The following CAD variants were observed in gnomAD, a reference collection of about 807,000 sequenced individuals.
The protein encoded by CAD is multifunctional protein CAD.
In CAD, 81 loss-of-function variants were observed where a neutral mutation model predicts 237.2. The ratio of observed to expected loss-of-function variants is 0.34; its 90% CI spans 0.29 to 0.41. The LOEUF is 0.41. Ranked by LOEUF, CAD falls within the 10% of genes least tolerant of loss-of-function variation. CAD has a pLI of 1.00. For missense variants in CAD, 2,181 were observed against 2,951.7 expected (o/e 0.74, Z 6.05); for synonymous variants, 1,196 against 1,162.8 (o/e 1.03, Z -0.58).
chr2:27,222,762 A>C (rs1057312026), intron 5 of CAD, 102 bp downstream of exon 5: 1 of 1,574,722 alleles, frequency 6.4e-7, no homozygotes, highest in African/African-American at 1.3e-5. Flanking sequence ...GCAGTGAAGA[A>C]GATAGACATT....
chr2:27,239,920 G>A lies in CAD; in HGVS notation c.5496+122G>A, dbSNP rs544736862. ...GTTTTCTTGAGGGACTGAATTTGAAGTGGGGTTGGGTCAATTATTTTTTTA... is the reference window on the plus strand; with the variant it reads ...GTTTTCTTGAGGGACTGAATTTGAAATGGGGTTGGGTCAATTATTTTTTTA... On this transcript the variant is annotated intron_variant, in intron 34 of 43. Transcript: ENST00000264705. The surrounding 1 kb of genome is among the most constrained non-coding windows in gnomAD (Gnocchi z 4.0). 7 of 707,146 alleles carry A rather than the reference G, an allele frequency of 9.9e-6. No homozygotes were observed. The Admixed American group carries it at 2.0e-4, about 21-fold the overall frequency. 43.8% of individuals were successfully genotyped at this position (707,146 alleles called of 1,614,324 possible).
chr2:27,222,280 T>C lies in CAD; in HGVS notation c.439T>C (p.Ser147Pro). ...GGTCCAGAATGGAACAGAACCTTCA[T>C]CCCTGCCATTCTTGGACCCCAATGC... Reference protein sequence around the residue: ...KLVQNGTEPSSLPFLDPNARP... With the variant: ...KLVQNGTEPSPLPFLDPNARP... The change falls in exon 4 of 44, where the codon TCC (serine) becomes CCC (proline). Residue 147 changes from serine (S) to proline (P), a missense_variant. Ser to Pro is a moderately conservative substitution (Grantham distance 74, BLOSUM62 -1). Around this residue, in one of 12 missense-constraint regions of CAD, gnomAD observed 314 missense variants for 339.4 expected, o/e 0.93. Transcript: ENST00000264705. 1 of 1,613,944 alleles carries C rather than the reference T, an allele frequency of 6.2e-7. No homozygotes were observed. Among genetic ancestry groups the C allele is most frequent in the South Asian group, 1.1e-5 (1 of 91,082 alleles).
chr2:27,228,643 G>C (rs910044557), intron 15 of CAD, among the ~76,000 whole-genome samples: 8 of 152,198 alleles, frequency 5.3e-5, no homozygotes, highest in African/African-American at 1.9e-4. Context: ...CCAGGCTGGA[G>C]TGCAATGGTG....
chr2:27,234,511 G>GC lies in CAD; in HGVS notation c.3619-3dup, dbSNP rs564781292. The GC allele has an allele frequency of 1.4e-4, 227 of 1,613,154 alleles. No homozygotes were observed. The highest frequency in any genetic ancestry group is 1.9e-4 in the Non-Finnish European group (220 of 1,179,484). On this transcript the variant is annotated splice_polypyrimidine_tract_variant and splice_region_variant and intron_variant, in intron 22 of 43. Coordinates refer to ENST00000264705, the MANE Select transcript of CAD (RefSeq NM_004341.5). Reference sequence around the variant, plus strand: ...GCAGAAGGCCTGACCAGTCTTCTCTGCCCCAGGATGACCAGCTGAAAGTTA... The same window carrying GC: ...GCAGAAGGCCTGACCAGTCTTCTCTGCCCCCAGGATGACCAGCTGAAAGTTA...
rs1675313319 is a variant in CAD, at chr2:27,224,019, GGGCCAGACA to G, written c.1101_1108+1del. 3.1e-6 allele frequency: 5 copies of G among 1,610,242 alleles called. No individual in the cohort carries two copies. Among genetic ancestry groups the G allele is most frequent in the Non-Finnish European group, 3.4e-6 (4 of 1,176,446 alleles). ...AAGAGGCCACAGCTGGGAACCCTGG[GGGCCAGACA>G]GGTAAGATCCTGAGTAGAACTGGGT... On this transcript the variant is annotated inframe_deletion and splice_region_variant, in exon 8 of 44. Transcript: ENST00000264705.
Position 27,232,176 on chromosome 2 carries a change from C to G in CAD, c.2597C>G (p.Ala866Gly). 2 of 1,614,208 alleles carry G rather than the reference C, an allele frequency of 1.2e-6. No individual in the cohort carries two copies. The highest frequency in any genetic ancestry group is 1.7e-6 in the Non-Finnish European group (2 of 1,180,048). ...TTGCCGCCAGACCTGCTGCAACAGG[C>G]CAAGTGTCTTGGCTTCTCAGACAAA... Reference protein sequence around the residue: ...QPLPPDLLQQAKCLGFSDKQI... With the variant: ...QPLPPDLLQQGKCLGFSDKQI... The change falls in exon 17 of 44, where the codon GCC becomes GGC. Residue 866 changes from alanine to glycine, a missense_variant. By Grantham distance (60) the Ala-to-Gly change is moderately conservative. This residue lies in a region of CAD where 385 missense variants were observed against 535.1 expected (regional missense o/e 0.72). Transcript: ENST00000264705. The surrounding 1 kb of genome is among the most constrained non-coding windows in gnomAD (Gnocchi z 4.1).
chr2:27,220,152 A>T (rs1419383473), intron 2 of CAD, among the ~76,000 whole-genome samples: 6 of 152,280 alleles, frequency 3.9e-5, no homozygotes, highest in Admixed American at 3.3e-4. Context: ...CCTGCACCTC[A>T]ATAAATGTCT....
In CAD at chr2:27,233,967, G is replaced by A; in HGVS notation, c.3400-41G>A. On this transcript the variant is annotated intron_variant, in intron 21 of 43. Transcript: ENST00000264705. This position sits in a 1 kb window ranked among gnomAD's most constrained non-coding sequence, Gnocchi z 6.3. ...GACAATCCTAGAGTAAGTGAGAGAAGAAAGTGGCCCTATGTCCCACTGTCT... is the reference window on the plus strand; with the variant it reads ...GACAATCCTAGAGTAAGTGAGAGAAAAAAGTGGCCCTATGTCCCACTGTCT... 6.3e-7 allele frequency: 1 copy of A among 1,586,974 alleles called. No homozygotes were observed. The highest frequency in any genetic ancestry group is 8.6e-7 in the Non-Finnish European group (1 of 1,159,336).
Position 27,236,887 on chromosome 2 carries a change from C to T in CAD, c.4396+57C>T. On this transcript the variant is annotated intron_variant, in intron 27 of 43. Transcript: ENST00000264705. The surrounding 1 kb of genome is among the most constrained non-coding windows in gnomAD (Gnocchi z 4.1). ...CACTGGCAGCCCCTGGCATAGAGAC[C>T]TGCAGTGTGGTGAAGGATGGCTGGG... The T allele has an allele frequency of 6.9e-7, 1 of 1,439,068 alleles. No individual in the cohort carries two copies. The highest frequency in any genetic ancestry group is 1.4e-5 in the African/African-American group (1 of 71,548). 89.1% of individuals were successfully genotyped at this position (1,439,068 alleles called of 1,614,324 possible).
Position 27,243,759 on chromosome 2 carries a change from C to CTTAATAGAAGAA in CAD, c.*247_*248insGAAGAATTAATA, listed in dbSNP as rs1405858668. On this transcript the variant is annotated 3_prime_UTR_variant, in exon 44 of 44. Coordinates refer to ENST00000264705, the MANE Select transcript of CAD (RefSeq NM_004341.5). ...ACCTGTACAGTCATTTTTCTACTGA[C>CTTAATAGAAGAA]TTAATAAACAGCCGAGCTGTCCCTT... The CTTAATAGAAGAA allele has an allele frequency of 1.1e-5, 6 of 531,692 alleles. No individual in the cohort carries two copies. In the African/African-American group the frequency reaches 1.1e-4, roughly 10 times the overall value. The allele number at this position is 531,692 out of a possible 1,614,324, so 32.9% of individuals were successfully genotyped here.
chr2:27,239,258 AG>A lies in CAD; in HGVS notation c.5253+32del. 1 of 1,601,144 alleles carries A rather than the reference AG, an allele frequency of 6.2e-7. No individual in the cohort carries two copies. The highest frequency in any genetic ancestry group is 8.5e-7 in the Non-Finnish European group (1 of 1,169,880). On this transcript the variant is annotated intron_variant, in intron 32 of 43. Coordinates refer to ENST00000264705, the MANE Select transcript of CAD (RefSeq NM_004341.5). This position sits in a 1 kb window ranked among gnomAD's most constrained non-coding sequence, Gnocchi z 4.0. ...GTGTGGGGATGAGGCCCAGAGCAGG[AG>A]GGGGGCTCTCCAGCCCTAGGATATG...
chr2:27,239,836 A>C lies in CAD; in HGVS notation c.5496+38A>C, dbSNP rs373605224. 55 of 1,398,444 alleles carry C rather than the reference A, an allele frequency of 3.9e-5. No individual in the cohort carries two copies. Among genetic ancestry groups the C allele is most frequent in the Non-Finnish European group, 5.2e-5 (54 of 1,029,600 alleles). 86.6% of individuals were successfully genotyped at this position (1,398,444 alleles called of 1,614,324 possible). The stretch of plus-strand genomic sequence containing the variant: ...CTGGGCTAGGGGGCTGGGAGGTGTT[A>C]GTCTCAGGGCAGGATGAACAGCTTG... On this transcript the variant is annotated intron_variant, in intron 34 of 43. Transcript: ENST00000264705. This position sits in a 1 kb window ranked among gnomAD's most constrained non-coding sequence, Gnocchi z 4.0.
rs10636656 is a variant in CAD at position 27,225,549 on chromosome 2, A to AC, written c.1621-149dup. ...TCGAACTCCTGACCTCAGGTGATCC[A>AC]CCCCCCCGACCCTCGGCCTCCCAAA... On this transcript the variant is annotated intron_variant, in intron 11 of 43. Transcript: ENST00000264705. Among the ~76,000 whole-genome samples, 19,288 of 145,454 alleles carry AC rather than the reference A, an allele frequency of 0.13. 3,672 individuals are homozygous for AC. Among genetic ancestry groups the AC allele is most frequent in the African/African-American group, 0.43 (17,011 of 39,816 alleles).
In CAD at chr2:27,222,911, C is replaced by G; in HGVS notation, c.683C>G (p.Ser228Cys). The G allele has an allele frequency of 6.2e-7, 1 of 1,614,206 alleles. No homozygotes were observed. The highest frequency in any genetic ancestry group is 8.5e-7 in the Non-Finnish European group (1 of 1,180,038). Residue 228 changes from serine to cysteine, a missense_variant, in exon 6 of 44, where the codon TCC becomes TGC. By Grantham distance (112) the Ser-to-Cys change is moderately radical. Transcript: ENST00000264705. ...FLSNGPGDPA[S>C]YPSVVSTLSR... ...AGTAATGGGCCTGGTGACCCTGCCT[C>G]CTATCCCAGTGTCGTATCCACACTG...
rs1377051430 is a variant in CAD at position 27,223,906 on chromosome 2, C to T, written c.996-11C>T. On this transcript the variant is annotated splice_polypyrimidine_tract_variant and intron_variant, in intron 7 of 43. Transcript: ENST00000264705. ...ACCATGATGGTTTTCATGATGCAAT[C>T]TCTTCAATAGTGTCCAGTTTCACCC... The T allele has an allele frequency of 1.2e-6, 2 of 1,600,852 alleles. No homozygotes were observed. Among genetic ancestry groups the T allele is most frequent in the South Asian group, 1.1e-5 (1 of 90,792 alleles).
chr2:27,223,573 C>T lies in CAD; in HGVS notation c.820C>T (p.Arg274Ter), dbSNP rs759552111. ...TGCTTCTACCTCCAGATATGGGAACCGAGGCCATAACCAGCCCTGCTTGTT... is the reference window on the plus strand; with the variant it reads ...TGCTTCTACCTCCAGATATGGGAACTGAGGCCATAACCAGCCCTGCTTGTT... ...AKTYKMRYGN[R>*]GHNQPCLLVG... The change falls in exon 7 of 44, where the codon CGA (arginine) becomes TGA (stop). Residue 274 changes from arginine (R) to a stop codon, truncating the protein, a stop_gained. Coordinates refer to ENST00000264705, the MANE Select transcript of CAD (RefSeq NM_004341.5). LOFTEE classifies it high-confidence loss of function. The T allele has an allele frequency of 3.7e-6, 6 of 1,612,602 alleles. No homozygotes were observed. The highest frequency in any genetic ancestry group is 2.1e-4 in the Middle Eastern group (1 of 4,848).
rs377084928 is a variant in CAD at position 27,232,562 on chromosome 2, G to A, written c.2760G>A (p.Thr920=). The change falls in exon 18 of 44, where the codon ACG becomes ACA. Residue 920 remains threonine, a synonymous_variant. Transcript: ENST00000264705. This position sits in a 1 kb window ranked among gnomAD's most constrained non-coding sequence, Gnocchi z 4.1. ...CCCAGACAAATTACCTATACCTAAC[G>A]TATTGGGGCACCACCCATGACCTCA... ...WPAQTNYLYL[T]YWGTTHDLTF... The A allele has an allele frequency of 6.2e-6, 10 of 1,614,034 alleles. No individual in the cohort carries two copies. Among genetic ancestry groups the A allele is most frequent in the African/African-American group, 4.0e-5 (3 of 74,906 alleles).
At chr2:27,238,927 C>A in intron 31 of CAD, 115 bp from the exon 32 acceptor site, 1 of 1,013,550 alleles carries the variant, frequency 9.9e-7, no homozygotes, top group Non-Finnish European at 1.5e-6. Context: ...AAAAAATGAG[C>A]ATTGGGAGTG....
At position 27,240,757 on chromosome 2, in the gene CAD, G is replaced by A; in HGVS notation, c.5594-154G>A. 2.6e-6 allele frequency: 3 copies of A among 1,170,082 alleles called. No individual in the cohort carries two copies. In the South Asian group the frequency reaches 4.3e-5, roughly 17 times the overall value. 72.5% of individuals were successfully genotyped at this position (1,170,082 alleles called of 1,614,324 possible). On this transcript the variant is annotated intron_variant, in intron 35 of 43. Coordinates refer to ENST00000264705, the MANE Select transcript of CAD (RefSeq NM_004341.5). The surrounding 1 kb of genome is among the most constrained non-coding windows in gnomAD (Gnocchi z 4.6). ...GGGAAGCCACCTGTCTGTCCCCAGA[G>A]CTGCTGCAGTCCCCTGCCCTCCCCT...
Sources: allele counts gnomAD v4.1 joint callset (sites outside exome capture counted in the v4.1 genomes callset), GRCh38; gene constraint gnomAD v4.1.1; regional missense constraint gnomAD v4.1.1; non-coding constraint Gnocchi (gnomAD v3.1); transcripts MANE v1.5; gene names NCBI Gene and HGNC (gene_info 2026-07-23, HGNC 2026-07-21).